Variants in RANBP10 observed in about 807,000 individuals in gnomAD.
The protein encoded by RANBP10 is ran-binding protein 10.
RANBP10 carries 24 observed loss-of-function variants against 72.8 expected under a neutral mutation model. That is an observed-to-expected ratio of 0.33 (90% CI 0.24 to 0.46). The LOEUF is 0.46. Among genes scored for constraint, RANBP10 ranks in the 20% least tolerant of loss-of-function variants. The probability of loss-of-function intolerance (pLI) is 1.00; values close to 1 mark genes in which losing one functional copy is unlikely to be tolerated. For synonymous variants in RANBP10, 310 were observed against 322.3 expected (o/e 0.96, Z 0.41); for missense variants, 679 against 817.5 (o/e 0.83, Z 2.07).
At chr16:67,797,439 C>T (rs1466112452) in intron 2 of RANBP10, among the ~76,000 whole-genome samples, 1 of 152,124 alleles carries the variant, frequency 6.6e-6, no homozygotes, top group Non-Finnish European at 1.5e-5. Flanking sequence ...GAGGCTGAGG[C>T]AGGAGGATTG....
intron 4 of RANBP10, among the ~76,000 whole-genome samples, chr16:67,740,284 T>G (rs898041557): frequency 1.3e-5 from 2 of 152,004 alleles, no homozygotes; most frequent in Admixed American, 1.3e-4. Context: ...TTTTTGTATT[T>G]TTAGTGGAGA....
chr16:67,805,620 G>T (rs1393368712), intron 1 of RANBP10, 81 bp from the exon 2 acceptor site: 3 of 1,133,630 alleles, frequency 2.6e-6, no homozygotes, highest in Non-Finnish European at 3.9e-6. Context: ...ACTCCTCCAT[G>T]ACAACTCCAC....
rs576830731 is a variant in RANBP10 at position 67,727,560 on chromosome 16, C to T, written c.1621-122G>A. The T allele has an allele frequency of 1.1e-4, 138 of 1,312,494 alleles. 2 individuals carry two copies. The South Asian group carries it at 1.5e-3, about 14-fold the overall frequency. The allele number at this position is 1,312,494 out of a possible 1,614,324, so 81.3% of individuals were successfully genotyped here. On this transcript the variant is annotated intron_variant, in intron 12 of 13. Coordinates refer to ENST00000317506, the MANE Select transcript of RANBP10 (RefSeq NM_020850.3). ...CAGCCTGGAATGTGGGGTGTAGGGT[C>T]GGGCAGGGCTGTACTCTCCCCAGAG...
At chr16:67,774,624 C>T (rs993778783) in intron 2 of RANBP10, among the ~76,000 whole-genome samples, 2 of 152,180 alleles carry the variant, frequency 1.3e-5, no homozygotes, top group African/African-American at 4.8e-5. Flanking sequence ...CTGACACCCA[C>T]ATTTGGGCAC....
Position 67,806,548 on chromosome 16 carries a change from C to G in RANBP10, c.-12G>C. On this transcript the variant is annotated 5_prime_UTR_variant, in exon 1 of 14. Coordinates refer to ENST00000317506, the MANE Select transcript of RANBP10 (RefSeq NM_020850.3). ...GTCGCTGCCGCCATCTTGGAGGGAG[C>G]TACTATTGTGTCACTGGGGGCGGGG... The G allele has an allele frequency of 3.4e-6, 5 of 1,482,144 alleles. No homozygotes were observed. The highest frequency in any genetic ancestry group is 4.4e-6 in the Non-Finnish European group (5 of 1,124,562). 91.8% of individuals were successfully genotyped at this position (1,482,144 alleles called of 1,614,324 possible). A position where few individuals can be genotyped will look rare whatever the true frequency, so the allele number is the denominator to read the frequency against.
At chr16:67,744,006 A>C (rs1357832325) in intron 4 of RANBP10, 5 of 869,888 alleles carry the variant, frequency 5.7e-6, no homozygotes, top group Non-Finnish European at 6.9e-6. Flanking sequence ...ATCCAACGCC[A>C]AACCTTGCTC....
intron 3 of RANBP10, among the ~76,000 whole-genome samples, chr16:67,752,220 A>C (rs1039341818): frequency 2.6e-5 from 4 of 152,342 alleles, no homozygotes; most frequent in African/African-American, 9.6e-5. Flanking sequence ...ATTTTGCAGA[A>C]GTGATTAAGT....
intron 3 of RANBP10, among the ~76,000 whole-genome samples, chr16:67,770,435 T>C (rs1847418157): frequency 1.3e-5 from 2 of 151,916 alleles, no homozygotes; most frequent in Non-Finnish European, 2.9e-5. Context: ...GAAATCAGTC[T>C]ACTAGAAAAA....
chr16:67,757,207 C>T (rs2054301872), intron 3 of RANBP10, among the ~76,000 whole-genome samples: 1 of 152,302 alleles, frequency 6.6e-6, no homozygotes, highest in South Asian at 2.1e-4. Flanking sequence ...CCTTTCCTCA[C>T]CATCTTAAAC....
rs560834829 is a variant in RANBP10 at position 67,724,812 on chromosome 16, C to T, written c.*1616G>A. The T allele has an allele frequency of 6.6e-6, 1 of 152,398 alleles. No homozygotes were observed. The highest frequency in any genetic ancestry group is 2.1e-4 in the South Asian group (1 of 4,828). The allele number at this position is 152,398 out of a possible 1,614,324, so 9.4% of individuals were successfully genotyped here. A position where few individuals can be genotyped will look rare whatever the true frequency, so the allele number is the denominator to read the frequency against. On this transcript the variant is annotated 3_prime_UTR_variant, in exon 14 of 14. Transcript: ENST00000317506. ...AATATGGAGCAGGAGCTTGCAAAGC[C>T]CAGATTCAGGCAGGGACTGAAAGTT...
At chr16:67,793,308 A>AC (rs2055063461) in intron 2 of RANBP10, among the ~76,000 whole-genome samples, 1 of 131,516 alleles carries the variant, frequency 7.6e-6, no homozygotes, top group Non-Finnish European at 1.6e-5. Flanking sequence ...CTGGCTTGTA[A>AC]TTTTTTTTTT....
intron 2 of RANBP10, among the ~76,000 whole-genome samples, chr16:67,772,985 A>T (rs2054635273): frequency 6.6e-6 from 1 of 152,176 alleles, no homozygotes; most frequent in African/African-American, 2.4e-5. Flanking sequence ...CTGGGGGACT[A>T]GTGGGAAGGG....
intron 3 of RANBP10, among the ~76,000 whole-genome samples, chr16:67,757,230 G>A (rs1363586848): frequency 1.3e-5 from 2 of 152,176 alleles, no homozygotes; most frequent in Admixed American, 6.5e-5. Context: ...TGGCTCTGCA[G>A]TAGAGTCTGG....
At chr16:67,798,930 T>C (rs911218891) in intron 2 of RANBP10, among the ~76,000 whole-genome samples, 1 of 152,142 alleles carries the variant, frequency 6.6e-6, no homozygotes, top group Non-Finnish European at 1.5e-5. Context: ...AGGTATTTTC[T>C]TTTTTATTTT....
chr16:67,727,644 C>A, intron 12 of RANBP10, 107 bp downstream of exon 12: 1 of 1,543,508 alleles, frequency 6.5e-7, no homozygotes. Flanking sequence ...CTCTGCAGAC[C>A]TGGCTGGAGC....
intron 3 of RANBP10, among the ~76,000 whole-genome samples, chr16:67,763,711 T>A (rs898931676): frequency 6.6e-6 from 1 of 152,176 alleles, no homozygotes; most frequent in African/African-American, 2.4e-5. Flanking sequence ...GTTTGTTTGT[T>A]TGAGACAGAG....
chr16:67,729,477 GTC>G lies in RANBP10; in HGVS notation c.1153_1154del (p.Asp385GlnfsTer5). 6.2e-7 allele frequency: 1 copy of G among 1,611,850 alleles called. No homozygotes were observed. The stretch of plus-strand genomic sequence containing the variant: ...CGACGCCATTGCTACAGCTGGGACT[GTC>G]TGCTCCTAGAAGCCAGGGTGACAGT... The part of the protein sequence containing the change: ...SSSHMHNTGA[D>X]SPSCSNGVAS... On this transcript the variant is annotated frameshift_variant, in exon 10 of 14. Transcript: ENST00000317506. LOFTEE classifies it high-confidence loss of function. This position sits in a 1 kb window ranked among gnomAD's most constrained non-coding sequence, Gnocchi z 7.1.
At chr16:67,774,145 C>G (rs2054654963) in intron 2 of RANBP10, among the ~76,000 whole-genome samples, 1 of 152,226 alleles carries the variant, frequency 6.6e-6, no homozygotes, top group Non-Finnish European at 1.5e-5. Flanking sequence ...GTCCAACAGG[C>G]ACAAGTGCAA....
chr16:67,741,704 C>T (rs937646462), intron 4 of RANBP10, among the ~76,000 whole-genome samples: 6 of 152,128 alleles, frequency 3.9e-5, no homozygotes, highest in African/African-American at 1.4e-4. Flanking sequence ...CAAACCTGGC[C>T]CTCAGATTCC....
Sources: allele counts gnomAD v4.1 joint callset (sites outside exome capture counted in the v4.1 genomes callset), GRCh38; gene constraint gnomAD v4.1.1; non-coding constraint Gnocchi (gnomAD v3.1); transcripts MANE v1.5; gene names NCBI Gene and HGNC (gene_info 2026-07-23, HGNC 2026-07-21).